LIMCH1: variants seen among roughly 807,000 people sequenced by gnomAD.
The protein encoded by LIMCH1 is LIM and calponin homology domains-containing protein 1.
LIMCH1 carries 113 observed loss-of-function variants against 176.5 expected under a neutral mutation model. The observed-to-expected ratio is 0.64, with a 90% CI of 0.55 to 0.75. The LOEUF is 0.75. Among genes scored for constraint, LIMCH1 ranks in the 30% least tolerant of loss-of-function variants. The pLI is 0.00. For missense variants in LIMCH1, 1,674 were observed against 1,814.9 expected (o/e 0.92, Z 1.41); for synonymous variants, 619 against 645.9 (o/e 0.96, Z 0.63).
intron 3 of LIMCH1, 134 bp from the exon 4 acceptor site, chr4:41,605,760 G>T: frequency 1.9e-6 from 1 of 528,710 alleles, no homozygotes. Context: ...GATACCTCAT[G>T]GGTGGTGGTT....
intron 1 of LIMCH1, among the ~76,000 whole-genome samples, chr4:41,378,993 G>T (rs890992857): frequency 2.0e-5 from 3 of 152,186 alleles, no homozygotes; most frequent in Non-Finnish European, 4.4e-5. Flanking sequence ...GGACACTTTA[G>T]ATACTTGTCA....
Position 41,360,850 on chromosome 4 carries a change from C to T in LIMCH1, c.10C>T (p.Pro4Ser), listed in dbSNP as rs1479744155. 1 of 1,564,374 alleles carries T rather than the reference C, an allele frequency of 6.4e-7. No homozygotes were observed. Residue 4 changes from proline (P) to serine (S), a missense_variant, in exon 1 of 27, where the codon CCC becomes TCC. Coordinates refer to the LIMCH1 transcript ENST00000313860. The surrounding 1 kb of genome is among the most constrained non-coding windows in gnomAD (Gnocchi z 4.5). ...ACGCGGGGCTGCGCAAATGGCTTGT[C>T]CCGCTCTCGGTCTGGAAGCTCTTCA...
chr4:41,648,658 G>GGGGTGTGT (rs1554153123), intron 17 of LIMCH1, among the ~76,000 whole-genome samples: 119 of 135,396 alleles, frequency 8.8e-4, no homozygotes, highest in Middle Eastern at 4.2e-3. Flanking sequence ...AAGGGGTAGG[G>GGGGTGTGT]GTGTGTGTGT....
At chr4:41,657,372 G>A (rs1162978560) in intron 18 of LIMCH1, among the ~76,000 whole-genome samples, 1 of 152,124 alleles carries the variant, frequency 6.6e-6, no homozygotes, top group Admixed American at 6.5e-5. Flanking sequence ...CATTTCCTTC[G>A]AAGTAATGAT....
intron 1 of LIMCH1, among the ~76,000 whole-genome samples, chr4:41,435,506 C>A (rs1004834995): frequency 6.6e-6 from 1 of 152,188 alleles, no homozygotes; most frequent in African/African-American, 2.4e-5. Context: ...GTTAGAGCAG[C>A]CACAGGAAAC....
chr4:41,597,319 G>A (rs12108357), intron 1 of LIMCH1, among the ~76,000 whole-genome samples: 2,753 of 152,214 alleles, frequency 0.018, 78 homozygotes, highest in African/African-American at 0.061. Context: ...TCATAAAGTT[G>A]TACAGGAATT....
intron 31 of LIMCH1, chr4:41,692,772 C>T (rs1727141482): frequency 5.8e-6 from 1 of 173,696 alleles, no homozygotes; most frequent in South Asian, 1.4e-4. Flanking sequence ...TCCACTGTTT[C>T]TCAGATCGAG....
intron 1 of LIMCH1, among the ~76,000 whole-genome samples, chr4:41,426,488 G>A (rs2061118858): frequency 6.6e-6 from 1 of 152,140 alleles, no homozygotes; most frequent in Admixed American, 6.5e-5. Flanking sequence ...CTTTATCCTG[G>A]CAATTTTACT....
intron 1 of LIMCH1, among the ~76,000 whole-genome samples, chr4:41,444,877 T>C (rs935795424): frequency 4.6e-5 from 7 of 152,236 alleles, no homozygotes; most frequent in African/African-American, 1.4e-4. Flanking sequence ...TCTGATGTGA[T>C]GGCCAGGCTA....
At chr4:41,634,676 A>T (rs2093488771) in intron 13 of LIMCH1, among the ~76,000 whole-genome samples, 1 of 152,260 alleles carries the variant, frequency 6.6e-6, no homozygotes, top group African/African-American at 2.4e-5. Flanking sequence ...TTTGTGCTTT[A>T]CAACCACAGA....
chr4:41,653,291 C>G (rs2094362522), intron 18 of LIMCH1, among the ~76,000 whole-genome samples: 2 of 150,346 alleles, frequency 1.3e-5, no homozygotes, highest in African/African-American at 4.9e-5. Flanking sequence ...TGCATGATTC[C>G]AAGCAAAGCA....
At chr4:41,612,919 T>A in intron 4 of LIMCH1, 1 of 1,464,024 alleles carries the variant, frequency 6.8e-7, no homozygotes, top group South Asian at 1.5e-5. Flanking sequence ...GAATTTCCCT[T>A]CAAGGTAGCA....
intron 1 of LIMCH1, among the ~76,000 whole-genome samples, chr4:41,475,148 C>A (rs1330722750): frequency 6.6e-6 from 1 of 152,158 alleles, no homozygotes; most frequent in Admixed American, 6.5e-5. Flanking sequence ...TCAGAAACAG[C>A]CATCTGAAAG....
intron 2 of LIMCH1, among the ~76,000 whole-genome samples, chr4:41,520,044 T>C (rs1037984010): frequency 2.6e-5 from 4 of 152,234 alleles, no homozygotes; most frequent in Admixed American, 2.6e-4. Flanking sequence ...GCAGAAATTT[T>C]CTATATGCAT....
chr4:41,446,140 T>C (rs1194462272), intron 1 of LIMCH1, among the ~76,000 whole-genome samples: 2 of 152,164 alleles, frequency 1.3e-5, no homozygotes, highest in African/African-American at 4.8e-5. Context: ...AGGATGATTG[T>C]CAACTGCAGG....
At chr4:41,459,533 C>A (rs538969586) in intron 1 of LIMCH1, among the ~76,000 whole-genome samples, 112 of 152,260 alleles carry the variant, frequency 7.4e-4, no homozygotes, top group African/African-American at 2.6e-3. Context: ...AACTTCTGGG[C>A]TCAAGCAGTC....
At chr4:41,594,077 A>C (rs2088212874) in intron 1 of LIMCH1, among the ~76,000 whole-genome samples, 1 of 152,206 alleles carries the variant, frequency 6.6e-6, no homozygotes, top group South Asian at 2.1e-4. Flanking sequence ...GCAGTCTCTC[A>C]TATAAATGCA....
In LIMCH1 at chr4:41,619,389, G is replaced by T; in HGVS notation, c.407G>T (p.Arg136Leu). 1 of 1,613,388 alleles carries T rather than the reference G, an allele frequency of 6.2e-7. No homozygotes were observed. The highest frequency in any genetic ancestry group is 1.7e-4 in the Middle Eastern group (1 of 6,058). Residue 136 changes from arginine (R) to leucine (L), a missense_variant, in exon 6 of 32, where the codon CGC (arginine) becomes CTC (leucine). By Grantham distance (102) the Arg-to-Leu change is moderately radical (BLOSUM62 -2). This residue lies in a region of LIMCH1 where 655 missense variants were observed against 692.2 expected (regional missense o/e 0.95). Coordinates refer to ENST00000503057, the MANE Select transcript of LIMCH1 (RefSeq NM_001330672.2). ...RKKKAEREEY[R>L]KSWSTATSPL... ...AAGAAAGCAGAGAGAGAGGAATACC[G>T]CAAGAGCTGGAGTACCGCCACCTCC...
intron 13 of LIMCH1, among the ~76,000 whole-genome samples, chr4:41,635,637 G>A (rs1432646372): frequency 2.0e-5 from 3 of 152,194 alleles, no homozygotes; most frequent in African/African-American, 4.8e-5. Context: ...CATATTGTGT[G>A]AATGAGCCAG....
Sources: gnomAD v4.1 joint callset for allele counts (sites outside exome capture counted in the v4.1 genomes callset) on GRCh38, gnomAD v4.1.1 for gene constraint, gnomAD v4.1.1 regional missense constraint, Gnocchi (gnomAD v3.1) non-coding constraint, MANE v1.5 for transcripts, NCBI Gene and HGNC (gene_info 2026-07-23, HGNC 2026-07-21) for gene names.